The following ZNF362 variants were observed in gnomAD, a reference collection of about 807,000 sequenced individuals.
ZNF362 encodes zinc finger protein 362.
A neutral mutation model predicts 42.9 loss-of-function variants in ZNF362; 11 were observed. The observed-to-expected ratio is 0.26, with a 90% CI of 0.16 to 0.42. The LOEUF (loss-of-function observed/expected upper bound fraction) is 0.42. Among genes scored for constraint, ZNF362 ranks in the 20% least tolerant of loss-of-function variants. The pLI is 1.00. For synonymous variants in ZNF362, 255 were observed against 257.3 expected (o/e 0.99, Z 0.09); for missense variants, 362 against 576.2 (o/e 0.63, Z 3.81).
chr1:33,222,344 A>G, the ZNF362 span, among the ~76,000 whole-genome samples: 3 of 152,054 alleles, frequency 2.0e-5, no homozygotes. Context: ...TCCAAAATAT[A>G]TCTCAGATCC....
chr1:33,133,822 AC>A, the ZNF362 span, among the ~76,000 whole-genome samples: 922 of 152,336 alleles, frequency 6.1e-3, 8 homozygotes, highest in South Asian at 0.014. Context: ...AGATTGAGTG[AC>A]CTTGGGCAAG....
chr1:33,238,208 A>G, the ZNF362 span, among the ~76,000 whole-genome samples: 11 of 151,708 alleles, frequency 7.3e-5, no homozygotes, highest in African/African-American at 2.7e-4. Context: ...AATCCCAGCT[A>G]CTCAGGAGGC....
At chr1:33,231,963 G>T in the ZNF362 span, among the ~76,000 whole-genome samples, 1 of 152,148 alleles carries the variant, frequency 6.6e-6, no homozygotes, top group African/African-American at 2.4e-5. Flanking sequence ...CCTGGACTTG[G>T]TTCTTGGAGT....
chr1:33,150,107 G>T, the ZNF362 span, among the ~76,000 whole-genome samples: 4 of 152,260 alleles, frequency 2.6e-5, no homozygotes, highest in Non-Finnish European at 5.9e-5. Context: ...CTGGCCAGAG[G>T]AGAAGGAGGA....
the ZNF362 span, among the ~76,000 whole-genome samples, chr1:33,201,183 C>A: frequency 6.6e-6 from 1 of 152,064 alleles, no homozygotes; most frequent in East Asian, 1.9e-4. Context: ...AGAGACAAAG[C>A]CACAATGATA....
chr1:33,174,922 C>T, the ZNF362 span, among the ~76,000 whole-genome samples: 1 of 132,618 alleles, frequency 7.5e-6, no homozygotes, highest in East Asian at 2.2e-4. Context: ...TATATATACA[C>T]ACACACACAT....
At chr1:33,258,541 G>A (rs1645808972) in intron 1 of ZNF362, among the ~76,000 whole-genome samples, 1 of 152,170 alleles carries the variant, frequency 6.6e-6, no homozygotes, top group African/African-American at 2.4e-5. Context: ...CTGAGGTCCA[G>A]AGAGAGGAAG....
chr1:33,277,186 G>A (rs77985509), intron 4 of ZNF362, among the ~76,000 whole-genome samples: 1,729 of 152,356 alleles, frequency 0.011, 27 homozygotes, highest in African/African-American at 0.039. Context: ...TGTGCTGTTG[G>A]TATTAGGTGG....
the ZNF362 span, among the ~76,000 whole-genome samples, chr1:33,202,368 G>T: frequency 6.6e-6 from 1 of 152,042 alleles, no homozygotes. Flanking sequence ...AGGCGAGGGC[G>T]GGCGGATCAC....
rs892129218 is a variant in ZNF362, at chr1:33,294,651, C to T, written c.909-286C>T. 4.6e-5 allele frequency among the ~76,000 whole-genome samples: 7 copies of T among 152,148 alleles called. No homozygotes were observed. The highest frequency in any genetic ancestry group is 1.9e-4 in the East Asian group (1 of 5,186). On this transcript the variant is annotated intron_variant, in intron 6 of 8. Coordinates refer to ENST00000539719, the MANE Select transcript of ZNF362 (RefSeq NM_152493.3). This position sits in a 1 kb window ranked among gnomAD's most constrained non-coding sequence, Gnocchi z 4.2. ...AGGGGCAGCCAAATCAGGCCCTCTC[C>T]GAGGCCTGCACTGGGTTGCTGCAAG...
At chr1:33,150,326 G>A in the ZNF362 span, among the ~76,000 whole-genome samples, 3 of 152,218 alleles carry the variant, frequency 2.0e-5, no homozygotes, top group South Asian at 2.1e-4. Flanking sequence ...TGGCTGCACT[G>A]ATGTGCAGAA....
chr1:33,147,648 G>A, the ZNF362 span: 144 of 1,613,956 alleles, frequency 8.9e-5, no homozygotes, highest in African/African-American at 1.3e-4. The surrounding 1 kb of genome is among the most constrained non-coding windows in gnomAD (Gnocchi z 8.1). Context: ...GCAAGTTGCC[G>A]TAAGCCACAA....
At chr1:33,282,144 C>T (rs926578025) in intron 6 of ZNF362, among the ~76,000 whole-genome samples, 2 of 152,152 alleles carry the variant, frequency 1.3e-5, no homozygotes, top group African/African-American at 2.4e-5. Flanking sequence ...GTGAGGGACC[C>T]GACCTCTGTG....
At chr1:33,183,782 G>A in the ZNF362 span, among the ~76,000 whole-genome samples, 487 of 152,336 alleles carry the variant, frequency 3.2e-3, 19 homozygotes, top group East Asian at 0.083. Flanking sequence ...CTTGCTCCCA[G>A]TCTGAGGATG....
At chr1:33,221,718 C>T in the ZNF362 span, among the ~76,000 whole-genome samples, 2 of 152,192 alleles carry the variant, frequency 1.3e-5, no homozygotes, top group African/African-American at 4.8e-5. Context: ...TTTCATTTCA[C>T]TAAGCTGGTG....
chr1:33,174,961 A>G, the ZNF362 span, among the ~76,000 whole-genome samples: 6 of 144,066 alleles, frequency 4.2e-5, no homozygotes, highest in African/African-American at 1.7e-4. Context: ...ATATATATAT[A>G]TATATATACA....
At chr1:33,174,137 C>T in the ZNF362 span, among the ~76,000 whole-genome samples, 2 of 151,066 alleles carry the variant, frequency 1.3e-5, no homozygotes, top group African/African-American at 2.4e-5. Context: ...CCCCCTTCTT[C>T]TCCCTTCTCC....
At chr1:33,148,911 G>T in the ZNF362 span, among the ~76,000 whole-genome samples, 1 of 152,180 alleles carries the variant, frequency 6.6e-6, no homozygotes, top group Non-Finnish European at 1.5e-5. Context: ...GGCAGAGCCA[G>T]GACTAACCAA....
At chr1:33,223,241 T>G in the ZNF362 span, among the ~76,000 whole-genome samples, 1 of 152,010 alleles carries the variant, frequency 6.6e-6, no homozygotes, top group East Asian at 1.9e-4. Flanking sequence ...TAGAGCAAGA[T>G]TCTGTCTCAA....
Sources: gnomAD v4.1 joint callset for allele counts (sites outside exome capture counted in the v4.1 genomes callset) on GRCh38, gnomAD v4.1.1 for gene constraint, Gnocchi (gnomAD v3.1) non-coding constraint, MANE v1.5 for transcripts, NCBI Gene and HGNC (gene_info 2026-07-23, HGNC 2026-07-21) for gene names.